Variants in KLF13 observed in about 807,000 individuals in gnomAD.
KLF13 encodes KLF transcription factor 13, also known as Krueppel-like factor 13.
KLF13 carries 8 observed loss-of-function variants against 16.7 expected under a neutral mutation model. The observed-to-expected ratio is 0.48, with a 90% CI of 0.28 to 0.87. The LOEUF is 0.87. Among genes scored for constraint, KLF13 ranks in the 40% least tolerant of loss-of-function variants. The probability of loss-of-function intolerance (pLI) is 0.10; values close to 1 mark genes in which losing one functional copy is unlikely to be tolerated. For synonymous variants in KLF13, 245 were observed against 208.4 expected (o/e 1.18, Z -1.51); for missense variants, 447 against 452.2 (o/e 0.99, Z 0.10).
chr15:31,402,132 C>T (rs1458933121), intron 2 of KLF13, among the ~76,000 whole-genome samples: 1 of 152,206 alleles, frequency 6.6e-6, no homozygotes, highest in Non-Finnish European at 1.5e-5. Flanking sequence ...AACCTCTGAT[C>T]GAGGCTGTCA....
chr15:31,334,078 T>C (rs1176140004), intron 1 of KLF13, among the ~76,000 whole-genome samples: 2 of 152,180 alleles, frequency 1.3e-5, no homozygotes, highest in African/African-American at 4.8e-5. Context: ...CTTCCTTGAC[T>C]GGAGAGATGT....
upstream of KLF13, among the ~76,000 whole-genome samples, chr15:31,388,471 G>A (rs1385034852): frequency 3.3e-5 from 5 of 151,768 alleles, no homozygotes; most frequent in South Asian, 2.1e-4. Context: ...AAAATTAGCC[G>A]GGTGCGGTGG....
At chr15:31,417,540 C>CT (rs944816576) in intron 1 of KLF13, among the ~76,000 whole-genome samples, 11 of 151,242 alleles carry the variant, frequency 7.3e-5, no homozygotes, top group African/African-American at 2.2e-4. Context: ...GGTATTCTGT[C>CT]TTTTTTTTCC....
intron 1 of KLF13, among the ~76,000 whole-genome samples, chr15:31,412,722 C>T (rs1043318766): frequency 4.6e-5 from 7 of 152,040 alleles, no homozygotes; most frequent in Admixed American, 2.0e-4. Flanking sequence ...CGATTGGAGA[C>T]GAAGGCCATA....
chr15:31,361,071 G>A (rs534980986), intron 1 of KLF13, among the ~76,000 whole-genome samples: 3 of 152,322 alleles, frequency 2.0e-5, no homozygotes, highest in Non-Finnish European at 2.9e-5. Context: ...GCTGGGGACC[G>A]TGGAGGTCCC....
At chr15:31,405,744 G>GT (rs1217386052), downstream of KLF13, among the ~76,000 whole-genome samples, 2 of 152,172 alleles carry the variant, frequency 1.3e-5, no homozygotes, top group African/African-American at 4.8e-5. Flanking sequence ...GGCCTGCTGA[G>GT]TAAACAGACC....
At position 31,372,507 on chromosome 15, in the gene KLF13, A is replaced by AT; in HGVS notation, c.*208_*209insT. 3.6e-6 allele frequency: 2 copies of AT among 555,982 alleles called. No homozygotes were observed. The highest frequency in any genetic ancestry group is 6.0e-6 in the Non-Finnish European group (2 of 330,936). 34.4% of individuals were successfully genotyped at this position (555,982 alleles called of 1,614,324 possible). A position where few individuals can be genotyped will look rare whatever the true frequency, so the allele number is the denominator to read the frequency against. Reference sequence around the variant, plus strand: ...ACCCACCAAATTGCACAATAGATACACCCACAAAGTTGAGATTCAGCGTTG... The same window carrying AT: ...ACCCACCAAATTGCACAATAGATACATCCCACAAAGTTGAGATTCAGCGTTG... On this transcript the variant is annotated 3_prime_UTR_variant, in exon 2 of 2. Transcript: ENST00000307145.
At chr15:31,331,917 A>G (rs1375171418) in intron 1 of KLF13, among the ~76,000 whole-genome samples, 2 of 152,196 alleles carry the variant, frequency 1.3e-5, no homozygotes, top group Non-Finnish European at 2.9e-5. Context: ...CACTGCTGGC[A>G]TTTTGTTCCA....
intron 2 of KLF13, among the ~76,000 whole-genome samples, chr15:31,395,684 C>T (rs11631345): frequency 0.55 from 82,982 of 152,076 alleles, 23,505 homozygotes; most frequent in South Asian, 0.66. Flanking sequence ...GCCATCGTCA[C>T]GGATGTGAAG....
chr15:31,337,656 G>T (rs748057854), intron 1 of KLF13, among the ~76,000 whole-genome samples: 1 of 152,210 alleles, frequency 6.6e-6, no homozygotes, highest in Non-Finnish European at 1.5e-5. Flanking sequence ...GTACAGTATA[G>T]TACTGTCCTG....
At chr15:31,405,013 G>A (rs1427716881), downstream of KLF13, among the ~76,000 whole-genome samples, 2 of 152,174 alleles carry the variant, frequency 1.3e-5, no homozygotes, top group African/African-American at 4.8e-5. Context: ...TAAAACCAAT[G>A]ATATGCTTAT....
At chr15:31,361,792 T>C (rs1257895252) in intron 1 of KLF13, among the ~76,000 whole-genome samples, 2 of 152,056 alleles carry the variant, frequency 1.3e-5, no homozygotes, top group African/African-American at 4.8e-5. Context: ...AGATCTCCCC[T>C]GTGACTGTCA....
At chr15:31,345,319 G>A (rs1044311853) in intron 1 of KLF13, among the ~76,000 whole-genome samples, 1 of 152,198 alleles carries the variant, frequency 6.6e-6, no homozygotes, top group Non-Finnish European at 1.5e-5. Context: ...CCTTGAGGGC[G>A]TGGTGTCTGA....
intron 1 of KLF13, among the ~76,000 whole-genome samples, chr15:31,369,406 C>T (rs1280208460): frequency 6.6e-6 from 1 of 152,262 alleles, no homozygotes; most frequent in East Asian, 1.9e-4. Context: ...AATAATAGAG[C>T]ATAGGAAAAA....
downstream of KLF13, among the ~76,000 whole-genome samples, chr15:31,405,479 T>C (rs932199022): frequency 3.3e-5 from 5 of 152,266 alleles, no homozygotes; most frequent in Non-Finnish European, 4.4e-5. Context: ...TTTCTGGAAC[T>C]GTGAGAAATG....
chr15:31,380,209 T>G (rs2039707166), downstream of KLF13, among the ~76,000 whole-genome samples: 2 of 152,134 alleles, frequency 1.3e-5, no homozygotes, highest in Non-Finnish European at 2.9e-5. Flanking sequence ...GGAGAATCGT[T>G]TGAACCCGGG....
At chr15:31,395,691 G>C (rs1264175903) in intron 2 of KLF13, among the ~76,000 whole-genome samples, 1 of 152,182 alleles carries the variant, frequency 6.6e-6, no homozygotes, top group African/African-American at 2.4e-5. Context: ...TCACGGATGT[G>C]AAGTGGTACC....
chr15:31,399,214 T>A (rs2039999096), intron 2 of KLF13, among the ~76,000 whole-genome samples: 2 of 152,108 alleles, frequency 1.3e-5, no homozygotes, highest in African/African-American at 2.4e-5. Flanking sequence ...CATCCCTGAG[T>A]TTTCCCCCTG....
intron 1 of KLF13, among the ~76,000 whole-genome samples, chr15:31,346,041 G>A (rs891975249): frequency 1.3e-5 from 2 of 151,944 alleles, no homozygotes; most frequent in East Asian, 1.9e-4. Flanking sequence ...TCAGGCATGC[G>A]TGAGCCCCTC....
Sources: allele counts gnomAD v4.1 joint callset (sites outside exome capture counted in the v4.1 genomes callset), GRCh38; gene constraint gnomAD v4.1.1; transcripts MANE v1.5; gene names NCBI Gene and HGNC (gene_info 2026-07-23, HGNC 2026-07-21).